The following SOCS4 variants were observed in gnomAD, a reference collection of about 807,000 sequenced individuals.
SOCS4 encodes suppressor of cytokine signaling 4, also known as SH2 domain containing SOCS box protein.
Under a neutral mutation model 34.1 loss-of-function variants are expected in SOCS4, and 20 were observed. That is an observed-to-expected ratio of 0.59 (90% CI 0.41 to 0.85). The LOEUF (loss-of-function observed/expected upper bound fraction) is 0.85. SOCS4 is among the 40% of genes least tolerant of loss of function. The pLI is 0.00. For synonymous variants in SOCS4, 180 were observed against 186.4 expected, an observed-to-expected ratio of 0.97 and a Z score of 0.28; for missense variants, 479 against 532.4, an observed-to-expected ratio of 0.90 and a Z score of 0.99.
In SOCS4 at chr14:55,043,717, A is replaced by G; in HGVS notation, c.676A>G (p.Ser226Gly). The change falls in exon 3 of 3, where the codon AGT (serine) becomes GGT (glycine). Residue 226 changes from serine to glycine, a missense_variant. By Grantham distance (56) the Ser-to-Gly change is moderately conservative (BLOSUM62 0). Coordinates refer to ENST00000555846, the MANE Select transcript of SOCS4 (RefSeq NM_199421.2). ...GGTTTCAAATAACAGTATAGAAGAT[A>G]GTGATATGGATTCCGATGATGAAAT... ...NLVSNNSIED[S>G]DMDSDDEILT... The G allele has an allele frequency of 6.2e-7, 1 of 1,614,220 alleles. No individual in the cohort carries two copies. Among genetic ancestry groups the G allele is most frequent in the Middle Eastern group, 1.6e-4 (1 of 6,062 alleles).
intron 2 of SOCS4, among the ~76,000 whole-genome samples, chr14:55,035,926 C>G (rs996725219): frequency 6.8e-6 from 1 of 148,092 alleles, no homozygotes; most frequent in African/African-American, 2.5e-5. Context: ...AAAAGAGAAA[C>G]ATAACAAAAT....
intron 1 of SOCS4, among the ~76,000 whole-genome samples, chr14:55,029,562 CAT>C (rs2140241068): frequency 6.6e-6 from 1 of 152,212 alleles, no homozygotes; most frequent in South Asian, 2.1e-4. Context: ...TATATAAAAT[CAT>C]GTGATCTTAC....
intron 2 of SOCS4, among the ~76,000 whole-genome samples, chr14:55,041,783 C>CTTT (rs35998700): frequency 0.014 from 558 of 40,068 alleles, 97 homozygotes; most frequent in African/African-American, 0.034. Context: ...AACCCTTAAT[C>CTTT]TTTTTTTTTT....
chr14:55,027,811 C>A (rs531265449), intron 1 of SOCS4: 1 of 152,180 alleles, frequency 6.6e-6, no homozygotes, highest in Non-Finnish European at 1.5e-5. Flanking sequence ...TCTATATATC[C>A]GTTATGAAGA....
At chr14:55,037,248 A>C (rs1249599570) in intron 2 of SOCS4, among the ~76,000 whole-genome samples, 1 of 151,060 alleles carries the variant, frequency 6.6e-6, no homozygotes, top group Non-Finnish European at 1.5e-5. Context: ...GGGTTCAAGC[A>C]ATTCTCCTGC....
chr14:55,035,151 G>A (rs1390788265), intron 2 of SOCS4, among the ~76,000 whole-genome samples: 3 of 152,140 alleles, frequency 2.0e-5, no homozygotes, highest in Admixed American at 6.5e-5. Flanking sequence ...ATGAGCCACC[G>A]TGCCCGGCCT....
chr14:55,043,909 G>A lies in SOCS4; in HGVS notation c.868G>A (p.Val290Met), dbSNP rs770865365. The change falls in exon 3 of 3, where the codon GTG becomes ATG. Residue 290 changes from valine to methionine, a missense_variant. Physicochemically the swap from Val to Met is conservative, Grantham distance 21 (BLOSUM62 1). Transcript: ENST00000555846. Reference sequence around the variant, plus strand: ...CAATAACAACCCATGTTACTGGGGAGTGATGGATAAATACGCAGCCGAAGC... The same window carrying A: ...CAATAACAACCCATGTTACTGGGGAATGATGGATAAATACGCAGCCGAAGC... The part of the protein sequence containing the change: ...QINNNPCYWG[V>M]MDKYAAEALL... The A allele has an allele frequency of 6.2e-7, 1 of 1,614,172 alleles. No homozygotes were observed. Among genetic ancestry groups the A allele is most frequent in the South Asian group, 1.1e-5 (1 of 91,088 alleles).
intron 2 of SOCS4, among the ~76,000 whole-genome samples, chr14:55,035,356 G>A (rs936023367): frequency 5.9e-5 from 9 of 152,214 alleles, no homozygotes; most frequent in Admixed American, 2.0e-4. Flanking sequence ...TTTTGTTAGC[G>A]TGTAAACTTG....
chr14:55,034,339 T>C (rs2042553883), intron 2 of SOCS4, among the ~76,000 whole-genome samples: 1 of 152,110 alleles, frequency 6.6e-6, no homozygotes, highest in East Asian at 1.9e-4. Flanking sequence ...TAGACAAATA[T>C]AAATAGAAAA....
At position 55,041,783 on chromosome 14, in the gene SOCS4, C is replaced by CTTTTTTTTTTTTT. The variant is rs35998700; in HGVS notation, c.-90-1155_-90-1143dup. Among the ~76,000 whole-genome samples, 76 of 40,080 alleles carry CTTTTTTTTTTTTT rather than the reference C, an allele frequency of 1.9e-3. 14 individuals are homozygous for CTTTTTTTTTTTTT. Among genetic ancestry groups the CTTTTTTTTTTTTT allele is most frequent in the African/African-American group, 2.2e-3 (26 of 11,984 alleles). The allele number at this position is 40,080 out of a possible 152,430, so 26.3% of individuals were successfully genotyped here. On this transcript the variant is annotated intron_variant, in intron 2 of 2. Transcript: ENST00000555846. Reference sequence around the variant, plus strand: ...CCACCGTGCCCAGCCAACCCTTAATCTTTTTTTTTTTTTTTTTTTTTTTTT... The same window carrying CTTTTTTTTTTTTT: ...CCACCGTGCCCAGCCAACCCTTAATCTTTTTTTTTTTTTTTTTTTTTTTTTTTTTTTTTTTTTT...
chr14:55,036,904 C>G (rs2042577009), intron 2 of SOCS4, among the ~76,000 whole-genome samples: 2 of 151,892 alleles, frequency 1.3e-5, no homozygotes, highest in African/African-American at 4.8e-5. Flanking sequence ...CACTTGAGCC[C>G]AGGAGTTCAA....
Position 55,045,804 on chromosome 14 carries a change from G to C in SOCS4, c.*1440G>C, listed in dbSNP as rs1397484544. 6.0e-6 allele frequency: 1 copy of C among 166,796 alleles called. No homozygotes were observed. The highest frequency in any genetic ancestry group is 1.5e-5 in the Non-Finnish European group (1 of 67,970). The allele number at this position is 166,796 out of a possible 1,614,324, so 10.3% of individuals were successfully genotyped here. On this transcript the variant is annotated 3_prime_UTR_variant, in exon 3 of 3. Coordinates refer to ENST00000555846, the MANE Select transcript of SOCS4 (RefSeq NM_199421.2). ...TAACTGATTTCTTGATGCTAGTTTAGCTATATTAGGAAACTGCTTCTACCT... is the reference window on the plus strand; with the variant it reads ...TAACTGATTTCTTGATGCTAGTTTACCTATATTAGGAAACTGCTTCTACCT...
Position 55,045,491 on chromosome 14 carries a change from ATTAAC to A in SOCS4, c.*1131_*1135del, listed in dbSNP as rs2042666848. 1 of 166,972 alleles carries A rather than the reference ATTAAC, an allele frequency of 6.0e-6. No homozygotes were observed. The highest frequency in any genetic ancestry group is 2.4e-5 in the African/African-American group (1 of 41,462). The allele number at this position is 166,972 out of a possible 1,614,324, so 10.3% of individuals were successfully genotyped here. On this transcript the variant is annotated 3_prime_UTR_variant, in exon 3 of 3. Coordinates refer to ENST00000555846, the MANE Select transcript of SOCS4 (RefSeq NM_199421.2). ...CCAAATAATTATCCCTATCTTCAGA[ATTAAC>A]TTAGTCTGTAATGTGGCTTCAAAAA...
Position 55,027,333 on chromosome 14 carries a change from A to G in SOCS4, c.-358A>G. The G allele has an allele frequency of 5.9e-6, 1 of 168,316 alleles. No homozygotes were observed. Among genetic ancestry groups the G allele is most frequent in the Non-Finnish European group, 1.3e-5 (1 of 77,158 alleles). 10.4% of individuals were successfully genotyped at this position (168,316 alleles called of 1,614,324 possible). Reference sequence around the variant, plus strand: ...CGAAGCGGGGTTGGGGGTGGCAGAAAAGCATCTGCTTTGTAAGACCTACAC... The same window carrying G: ...CGAAGCGGGGTTGGGGGTGGCAGAAGAGCATCTGCTTTGTAAGACCTACAC... On this transcript the variant is annotated 5_prime_UTR_variant, in exon 1 of 3. Transcript: ENST00000555846.
rs1307602740 is a variant in SOCS4 at position 55,046,352 on chromosome 14, A to G, written c.*1988A>G. On this transcript the variant is annotated 3_prime_UTR_variant, in exon 3 of 3. Transcript: ENST00000555846. ...GATTATAGTTTTTTATCAGAATTTG[A>G]TAAGATTTTCTGTTTCTGTGAAACA... 1.2e-5 allele frequency: 2 copies of G among 166,900 alleles called. No individual in the cohort carries two copies. The highest frequency in any genetic ancestry group is 2.4e-5 in the African/African-American group (1 of 41,462). The allele number at this position is 166,900 out of a possible 1,614,324, so 10.3% of individuals were successfully genotyped here. A position where few individuals can be genotyped will look rare whatever the true frequency, so the allele number is the denominator to read the frequency against.
chr14:55,032,273 A>T (rs2042535404), intron 2 of SOCS4, among the ~76,000 whole-genome samples: 1 of 152,220 alleles, frequency 6.6e-6, no homozygotes, highest in Non-Finnish European at 1.5e-5. Flanking sequence ...CCTTTTAATT[A>T]TTGGATTTGA....
chr14:55,034,087 C>G (rs990138230), intron 2 of SOCS4, among the ~76,000 whole-genome samples: 2 of 152,232 alleles, frequency 1.3e-5, no homozygotes, highest in South Asian at 2.1e-4. Context: ...GAGCCGAGAT[C>G]GCACTGCTGC....
intron 1 of SOCS4, chr14:55,027,777 C>T (rs1236413101): frequency 6.6e-6 from 1 of 152,216 alleles, no homozygotes; most frequent in Non-Finnish European, 1.5e-5. Context: ...AATTAATGCT[C>T]AATTAATGCT....
chr14:55,044,394 A>G lies in SOCS4; in HGVS notation c.*30A>G. 1 of 1,359,346 alleles carries G rather than the reference A, an allele frequency of 7.4e-7. No homozygotes were observed. Among genetic ancestry groups the G allele is most frequent in the East Asian group, 2.8e-5 (1 of 36,010 alleles). The allele number at this position is 1,359,346 out of a possible 1,614,324, so 84.2% of individuals were successfully genotyped here. A position where few individuals can be genotyped will look rare whatever the true frequency, so the allele number is the denominator to read the frequency against. On this transcript the variant is annotated 3_prime_UTR_variant, in exon 3 of 3. Coordinates refer to ENST00000555846, the MANE Select transcript of SOCS4 (RefSeq NM_199421.2). ...AGGATGGGAACATGGGAATGATAAT[A>G]TATATTTTTTCTTTTAATATTTTAT...
Sources: gnomAD v4.1 joint callset for allele counts (sites outside exome capture counted in the v4.1 genomes callset) on GRCh38, gnomAD v4.1.1 for gene constraint, MANE v1.5 for transcripts, NCBI Gene and HGNC (gene_info 2026-07-23, HGNC 2026-07-21) for gene names.